Variants in CNTNAP5 observed in about 807,000 individuals in gnomAD.
CNTNAP5 encodes the protein contactin-associated protein-like 5.
CNTNAP5 carries 72 observed loss-of-function variants against 150.2 expected under a neutral mutation model. That is an observed-to-expected ratio of 0.48 (90% CI 0.40 to 0.58). The LOEUF (loss-of-function observed/expected upper bound fraction) is 0.58, where lower values mean the gene tolerates loss of function less well. Among genes scored for constraint, CNTNAP5 ranks in the 20% least tolerant of loss-of-function variants. CNTNAP5 has a pLI of 0.00. For synonymous variants in CNTNAP5, 672 were observed against 619.8 expected (o/e 1.08, Z -1.25); for missense variants, 1,636 against 1,626.2 (o/e 1.01, Z -0.10).
At chr2:124,265,640 A>C (rs1305431345) in intron 3 of CNTNAP5, among the ~76,000 whole-genome samples, 2 of 152,142 alleles carry the variant, frequency 1.3e-5, no homozygotes, top group African/African-American at 2.4e-5. Context: ...GCCCTCTGGC[A>C]AGGTTTTGAG....
chr2:124,289,463 A>G (rs183300818), intron 3 of CNTNAP5, among the ~76,000 whole-genome samples: 1 of 152,338 alleles, frequency 6.6e-6, no homozygotes, highest in African/African-American at 2.4e-5. Context: ...GAAAATGTAT[A>G]AGGTTGTGAA....
At chr2:124,221,086 A>G (rs1187610595) in intron 1 of CNTNAP5, among the ~76,000 whole-genome samples, 2 of 152,162 alleles carry the variant, frequency 1.3e-5, no homozygotes, top group African/African-American at 4.8e-5. Context: ...GGTTGGAAGG[A>G]TAGCTGTTGA....
At chr2:124,776,726 A>G (rs1392120838) in intron 17 of CNTNAP5, among the ~76,000 whole-genome samples, 1 of 152,174 alleles carries the variant, frequency 6.6e-6, no homozygotes, top group Non-Finnish European at 1.5e-5. Flanking sequence ...GAAGAGATCT[A>G]TATTCTCTTC....
chr2:124,452,261 G>C (rs1490632554), intron 6 of CNTNAP5, among the ~76,000 whole-genome samples: 2 of 152,040 alleles, frequency 1.3e-5, no homozygotes, highest in African/African-American at 2.4e-5. Context: ...TGAGGCCTGT[G>C]ACTGCCCGCT....
intron 7 of CNTNAP5, among the ~76,000 whole-genome samples, chr2:124,488,851 A>G (rs1384645550): frequency 2.0e-5 from 3 of 152,142 alleles, no homozygotes; most frequent in Non-Finnish European, 2.9e-5. Flanking sequence ...ATATACACTT[A>G]AGAGATCTGT....
intron 2 of CNTNAP5, among the ~76,000 whole-genome samples, chr2:124,231,639 C>T (rs993281520): frequency 2.6e-5 from 4 of 152,078 alleles, no homozygotes; most frequent in African/African-American, 9.7e-5. Flanking sequence ...CTTTTGAATG[C>T]CCCTAAAATC....
chr2:124,712,652 G>A (rs1010691100), intron 13 of CNTNAP5, among the ~76,000 whole-genome samples: 1 of 152,168 alleles, frequency 6.6e-6, no homozygotes, highest in Non-Finnish European at 1.5e-5. Flanking sequence ...TTGTCAGAAG[G>A]TTCAATGTAC....
chr2:124,577,577 T>C (rs1180726662), intron 11 of CNTNAP5, among the ~76,000 whole-genome samples: 1 of 152,220 alleles, frequency 6.6e-6, no homozygotes. Context: ...GTCTGCTTCC[T>C]GTTCTCAAGG....
In CNTNAP5 at chr2:124,446,884, A is replaced by G; in HGVS notation, c.865A>G (p.Thr289Ala). The G allele has an allele frequency of 6.2e-7, 1 of 1,613,978 alleles. No individual in the cohort carries two copies. Among genetic ancestry groups the G allele is most frequent in the Non-Finnish European group, 8.5e-7 (1 of 1,179,864 alleles). Residue 289 changes from threonine to alanine, a missense_variant, in exon 6 of 24, where the codon ACA becomes GCA. Transcript: ENST00000682447. ...KQVNFTVDKH[T>A]QHFRTKGETD... ...GGTGAACTTCACGGTGGACAAGCAC[A>G]CACAGCACTTCCGCACCAAGGGCGA...
chr2:124,333,130 C>A (rs1433223119), intron 3 of CNTNAP5, among the ~76,000 whole-genome samples: 2 of 151,944 alleles, frequency 1.3e-5, no homozygotes, highest in Non-Finnish European at 2.9e-5. Context: ...GAGCCTGGCG[C>A]TTTGGCTCAT....
chr2:124,154,666 A>G (rs1684482353), intron 1 of CNTNAP5, among the ~76,000 whole-genome samples: 1 of 152,122 alleles, frequency 6.6e-6, no homozygotes, highest in Non-Finnish European at 1.5e-5. Flanking sequence ...GCCAGAATGG[A>G]CACCATTTTC....
At chr2:124,047,979 G>A (rs13425875) in intron 1 of CNTNAP5, among the ~76,000 whole-genome samples, 22,056 of 151,940 alleles carry the variant, frequency 0.15, 1,781 homozygotes, top group East Asian at 0.33. Context: ...ACATGCACAC[G>A]CACACACACA....
At chr2:124,204,542 A>C (rs1457296063) in intron 1 of CNTNAP5, among the ~76,000 whole-genome samples, 1 of 152,192 alleles carries the variant, frequency 6.6e-6, no homozygotes, top group Non-Finnish European at 1.5e-5. Flanking sequence ...TCATACTGCT[A>C]TGAAGAAATA....
chr2:124,191,745 T>A (rs1413102944), intron 1 of CNTNAP5, among the ~76,000 whole-genome samples: 1 of 151,896 alleles, frequency 6.6e-6, no homozygotes, highest in Non-Finnish European at 1.5e-5. Flanking sequence ...TGAAACCTCA[T>A]CTCTACTAGA....
At chr2:124,805,344 A>G (rs1477356464) in intron 19 of CNTNAP5, among the ~76,000 whole-genome samples, 1 of 152,160 alleles carries the variant, frequency 6.6e-6, no homozygotes, top group Non-Finnish European at 1.5e-5. Flanking sequence ...GAGAGCTATA[A>G]TAACTAAGAA....
intron 13 of CNTNAP5, among the ~76,000 whole-genome samples, chr2:124,652,193 G>C (rs915703824): frequency 6.6e-6 from 1 of 152,188 alleles, no homozygotes; most frequent in Non-Finnish European, 1.5e-5. Flanking sequence ...TGTCTCACCA[G>C]GACATCCGTA....
chr2:124,499,159 T>TC (rs1694219245), intron 7 of CNTNAP5, among the ~76,000 whole-genome samples: 1 of 152,116 alleles, frequency 6.6e-6, no homozygotes, highest in African/African-American at 2.4e-5. Context: ...TGTTTTTTTT[T>TC]CCCTAAATAT....
chr2:124,578,156 C>CAAAAAAAAA (rs556786620), intron 11 of CNTNAP5, among the ~76,000 whole-genome samples: 524 of 67,690 alleles, frequency 7.7e-3, no homozygotes, highest in Middle Eastern at 0.012. Flanking sequence ...ACTAAAAATA[C>CAAAAAAAAA]AAAAAAAAAA....
At chr2:124,561,982 G>C (rs1025554871) in intron 10 of CNTNAP5, among the ~76,000 whole-genome samples, 3 of 151,934 alleles carry the variant, frequency 2.0e-5, no homozygotes, top group Non-Finnish European at 4.4e-5. Flanking sequence ...CAAAAATTAT[G>C]GTATGTATCA....
Sources: allele counts gnomAD v4.1 joint callset (sites outside exome capture counted in the v4.1 genomes callset), GRCh38; gene constraint gnomAD v4.1.1; transcripts MANE v1.5; gene names NCBI Gene and HGNC (gene_info 2026-07-23, HGNC 2026-07-21).